The following SLC1A2 variants were observed in gnomAD, a reference collection of about 807,000 sequenced individuals.
SLC1A2 encodes the protein solute carrier family 1 member 2.
In SLC1A2, 15 loss-of-function variants were observed where a neutral mutation model predicts 48.8. That is an observed-to-expected ratio of 0.31 (90% confidence interval 0.21 to 0.47). SLC1A2 has a LOEUF of 0.47. Ranked by LOEUF, SLC1A2 falls within the 20% of genes least tolerant of loss-of-function variation. SLC1A2 has a pLI of 0.99. For missense variants in SLC1A2, 502 were observed against 730.5 expected (o/e 0.69, Z 3.61); for synonymous variants, 279 against 272.6 (o/e 1.02, Z -0.23).
intron 1 of SLC1A2, among the ~76,000 whole-genome samples, chr11:35,317,873 C>T (rs530868956): frequency 6.6e-6 from 1 of 152,294 alleles, no homozygotes; most frequent in South Asian, 2.1e-4. Context: ...GGTCTGGCTC[C>T]AAAGCCTGAG....
At chr11:35,272,770 A>C (rs1460352100) in intron 9 of SLC1A2, among the ~76,000 whole-genome samples, 2 of 152,222 alleles carry the variant, frequency 1.3e-5, no homozygotes, top group African/African-American at 4.8e-5. Flanking sequence ...GACTGCAAGA[A>C]GGGGATGAAG....
intron 1 of SLC1A2, among the ~76,000 whole-genome samples, chr11:35,407,991 T>G (rs10836395): frequency 1.3e-5 from 2 of 152,072 alleles, no homozygotes; most frequent in Non-Finnish European, 2.9e-5. Context: ...CTACTGATAT[T>G]CCACTCGCCA....
In SLC1A2 at chr11:35,406,992, C is replaced by T. The variant is rs890350768; in HGVS notation, c.17+11958G>A. Reference sequence around the variant, plus strand: ...AAAACTGGGTCCAATAAAATTTTCACAAACTATGCAAGAGCATAAATGATG... The same window carrying T: ...AAAACTGGGTCCAATAAAATTTTCATAAACTATGCAAGAGCATAAATGATG... On this transcript the variant is annotated intron_variant, in intron 1 of 10. Coordinates refer to ENST00000278379, the MANE Select transcript of SLC1A2 (RefSeq NM_004171.4). 4.6e-5 allele frequency among the ~76,000 whole-genome samples: 7 copies of T among 150,844 alleles called. 1 individual carries two copies. Among genetic ancestry groups the T allele is most frequent in the African/African-American group, 1.7e-4 (7 of 40,918 alleles).
At chr11:35,283,270 C>G (rs1293848764) in intron 8 of SLC1A2, among the ~76,000 whole-genome samples, 1 of 152,190 alleles carries the variant, frequency 6.6e-6, no homozygotes, top group Non-Finnish European at 1.5e-5. Flanking sequence ...TTTCTAATCA[C>G]TATTTTCCTA....
chr11:35,360,084 T>A, intron 1 of SLC1A2: 2 of 985,410 alleles, frequency 2.0e-6, no homozygotes, highest in Non-Finnish European at 2.4e-6. Flanking sequence ...GGTCACGTAG[T>A]GCTGGAGTGA....
chr11:35,404,483 T>G (rs1855226373), intron 1 of SLC1A2: 1 of 152,302 alleles, frequency 6.6e-6, no homozygotes, highest in Non-Finnish European at 1.5e-5. Flanking sequence ...GGTGTAGCCT[T>G]GGCCTCCAGA....
chr11:35,380,203 C>T (rs1355011042), intron 1 of SLC1A2, among the ~76,000 whole-genome samples: 2 of 152,156 alleles, frequency 1.3e-5, no homozygotes, highest in Admixed American at 6.5e-5. Context: ...GCACAGCATG[C>T]AATGCCAATA....
At chr11:35,301,370 A>G in intron 6 of SLC1A2, 149 bp downstream of exon 6, 1 of 673,238 alleles carries the variant, frequency 1.5e-6, no homozygotes, top group African/African-American at 1.8e-5. Context: ...GCTCCAAAAA[A>G]GATATTTTCA....
At chr11:35,372,067 C>A (rs1407503320) in intron 1 of SLC1A2, among the ~76,000 whole-genome samples, 1 of 152,188 alleles carries the variant, frequency 6.6e-6, no homozygotes, top group Non-Finnish European at 1.5e-5. Context: ...CTGTCTGCAA[C>A]TACCAAAAGG....
Position 35,378,752 on chromosome 11 carries a change from G to A in SLC1A2, c.17+40198C>T, listed in dbSNP as rs191061081. On this transcript the variant is annotated intron_variant, in intron 1 of 10. Transcript: ENST00000278379. ...GTGTCTCCAGACTAATATATAACCC[G>A]TGGTTCTCTTCAGTTAAGCTCTATG... 5.3e-5 allele frequency among the ~76,000 whole-genome samples: 8 copies of A among 152,274 alleles called. No homozygotes were observed. The South Asian group carries it at 1.2e-3, about 24-fold the overall frequency.
Position 35,388,435 on chromosome 11 carries a change from C to T in SLC1A2, c.17+30515G>A, listed in dbSNP as rs181693586. On this transcript the variant is annotated intron_variant, in intron 1 of 10. Transcript: ENST00000278379. ...TTTGACACAGGGTCTCACTCTGTTGCCCAGACTGGAGTACAGTGGTGTGAT... is the reference window on the plus strand; with the variant it reads ...TTTGACACAGGGTCTCACTCTGTTGTCCAGACTGGAGTACAGTGGTGTGAT... Among the ~76,000 whole-genome samples, 43 of 152,278 alleles carry T rather than the reference C, an allele frequency of 2.8e-4. No homozygotes were observed. In the East Asian group the frequency reaches 7.7e-3, roughly 27 times the overall value.
chr11:35,354,507 T>C (rs900129164), intron 1 of SLC1A2, among the ~76,000 whole-genome samples: 6 of 152,068 alleles, frequency 3.9e-5, no homozygotes, highest in African/African-American at 1.4e-4. Flanking sequence ...AATCCTGAAA[T>C]CAAAGGATCT....
chr11:35,299,075 C>T (rs539341340), intron 6 of SLC1A2: 55 of 152,326 alleles, frequency 3.6e-4, no homozygotes, highest in Admixed American at 3.1e-3. Context: ...TGCGGTGGCT[C>T]ATGCCTGTAA....
intron 6 of SLC1A2, among the ~76,000 whole-genome samples, chr11:35,295,093 G>T (rs1175431955): frequency 6.6e-6 from 1 of 151,900 alleles, no homozygotes; most frequent in Non-Finnish European, 1.5e-5. Flanking sequence ...TGTTAGCCAG[G>T]CTGGAGCTCA....
intron 4 of SLC1A2, among the ~76,000 whole-genome samples, chr11:35,311,005 A>T: frequency 6.6e-6 from 1 of 152,110 alleles, no homozygotes; most frequent in Non-Finnish European, 1.5e-5. Flanking sequence ...ACTTCTAGGA[A>T]TTTATCCTTT....
intron 5 of SLC1A2, among the ~76,000 whole-genome samples, chr11:35,303,045 C>G (rs1374074963): frequency 6.6e-6 from 1 of 151,764 alleles, no homozygotes; most frequent in Non-Finnish European, 1.5e-5. Flanking sequence ...ACCTAACCTG[C>G]TCAATTTGGC....
chr11:35,409,019 A>G (rs1855382802), intron 1 of SLC1A2, among the ~76,000 whole-genome samples: 1 of 152,240 alleles, frequency 6.6e-6, no homozygotes, highest in South Asian at 2.1e-4. Context: ...GCTGATAAAA[A>G]CACAAACACA....
At chr11:35,372,897 T>A (rs895034598) in intron 1 of SLC1A2, among the ~76,000 whole-genome samples, 2 of 152,222 alleles carry the variant, frequency 1.3e-5, no homozygotes, top group African/African-American at 4.8e-5. Flanking sequence ...GTTGGTATTT[T>A]TAAGGATCTT....
At chr11:35,363,951 G>A (rs569838600) in intron 1 of SLC1A2, among the ~76,000 whole-genome samples, 1 of 152,278 alleles carries the variant, frequency 6.6e-6, no homozygotes, top group Non-Finnish European at 1.5e-5. Context: ...TTCCACCAAA[G>A]ACAAGAGCTT....
Sources: gnomAD v4.1 joint callset for allele counts (sites outside exome capture counted in the v4.1 genomes callset) on GRCh38, gnomAD v4.1.1 for gene constraint, MANE v1.5 for transcripts, NCBI Gene and HGNC (gene_info 2026-07-23, HGNC 2026-07-21) for gene names.